WWOX: variants seen among roughly 807,000 people sequenced by gnomAD.
WWOX encodes WW domain-containing oxidoreductase.
WWOX carries 69 observed loss-of-function variants against 46.2 expected under a neutral mutation model. The ratio of observed to expected loss-of-function variants is 1.49; its 90% CI spans 1.23 to 1.82. WWOX has a LOEUF of 1.82. WWOX is among the 40% of genes most tolerant of loss of function. The pLI, the probability that WWOX is intolerant of heterozygous loss-of-function variation, is 0.00. For synonymous variants in WWOX, 359 were observed against 202.6 expected (o/e 1.77, Z -6.56); for missense variants, 919 against 542.6 (o/e 1.69, Z -6.89).
intron 8 of WWOX, among the ~76,000 whole-genome samples, chr16:78,584,387 C>T (rs2045141609): frequency 6.6e-6 from 1 of 152,184 alleles, no homozygotes; most frequent in Admixed American, 6.5e-5. Context: ...TGTGACTTTC[C>T]AGGCTTGGGA....
In WWOX at chr16:78,948,339, T is replaced by C. The variant is rs183991231; in HGVS notation, c.1057-263269T>C. Among the ~76,000 whole-genome samples the C allele has an allele frequency of 5.3e-5, 8 of 152,278 alleles. 1 individual carries two copies. The highest frequency in any genetic ancestry group is 1.9e-4 in the African/African-American group (8 of 41,560). On this transcript the variant is annotated intron_variant, in intron 8 of 8. Coordinates refer to ENST00000566780, the MANE Select transcript of WWOX (RefSeq NM_016373.4). ...ACTTCTTGTCTCCCTTTTAGAAGTTTCCAGAGCGTCTTCCTGATGTTGCAT... is the reference window on the plus strand; with the variant it reads ...ACTTCTTGTCTCCCTTTTAGAAGTTCCCAGAGCGTCTTCCTGATGTTGCAT...
chr16:78,679,538 G>A (rs1053047631), intron 8 of WWOX, among the ~76,000 whole-genome samples: 10 of 152,068 alleles, frequency 6.6e-5, no homozygotes, highest in Admixed American at 6.6e-4. Context: ...GTGACAGAGT[G>A]AGACTCCATC....
chr16:78,310,886 G>C (rs2080228841), intron 5 of WWOX, among the ~76,000 whole-genome samples: 1 of 152,202 alleles, frequency 6.6e-6, no homozygotes, highest in South Asian at 2.1e-4. Flanking sequence ...TTCGAGGGTA[G>C]GGGCACCCTT....
chr16:78,355,746 C>G, intron 5 of WWOX: 1 of 709,170 alleles, frequency 1.4e-6, no homozygotes. Context: ...TATGAAGAGA[C>G]ATATGAATCA....
Position 78,824,781 on chromosome 16 carries a change from A to G in WWOX, c.1057-386827A>G, listed in dbSNP as rs145598814. On this transcript the variant is annotated intron_variant, in intron 8 of 8. Transcript: ENST00000566780. ...TACCTCGCCCTGGGTCCCTCCCACA[A>G]CATGTGGGAATTCTGGGAGATACAA... Among the ~76,000 whole-genome samples, 70 of 152,262 alleles carry G rather than the reference A, an allele frequency of 4.6e-4. No individual in the cohort carries two copies. In the East Asian group the frequency reaches 0.012, roughly 26 times the overall value.
intron 8 of WWOX, among the ~76,000 whole-genome samples, chr16:78,741,934 C>G (rs184070359): frequency 4.9e-4 from 74 of 152,230 alleles, no homozygotes; most frequent in Non-Finnish European, 8.2e-4. Context: ...AATTTTTTAG[C>G]AAAAGGATGT....
At chr16:78,753,826 ATATATATAT>A (rs1321047875) in intron 8 of WWOX, among the ~76,000 whole-genome samples, 2 of 25,632 alleles carry the variant, frequency 7.8e-5, no homozygotes, top group African/African-American at 1.2e-4. Context: ...AAAAAAAAAA[ATATATATAT>A]ATATATATAT....
At position 78,794,800 on chromosome 16, in the gene WWOX, C is replaced by G. The variant is rs75068262; in HGVS notation, c.1056+362048C>G. On this transcript the variant is annotated intron_variant, in intron 8 of 8. Transcript: ENST00000566780. ...GGCTGTGAGCATAGGCAGATCCTTTCTAATGCAGAAGGTGCAGACACAGGG... is the reference window on the plus strand; with the variant it reads ...GGCTGTGAGCATAGGCAGATCCTTTGTAATGCAGAAGGTGCAGACACAGGG... Among the ~76,000 whole-genome samples the G allele has an allele frequency of 3.9e-5, 6 of 152,350 alleles. No homozygotes were observed. The East Asian group carries it at 1.2e-3, about 29-fold the overall frequency.
intron 5 of WWOX, among the ~76,000 whole-genome samples, chr16:78,267,536 C>T (rs774592806): frequency 1.3e-4 from 20 of 152,202 alleles, no homozygotes; most frequent in Non-Finnish European, 2.2e-4. Flanking sequence ...TCTGTCCTTC[C>T]CTCTTGCTGG....
chr16:79,200,629 C>T (rs550287384), intron 8 of WWOX, among the ~76,000 whole-genome samples: 4 of 152,266 alleles, frequency 2.6e-5, no homozygotes, highest in South Asian at 2.1e-4. Context: ...TCACCACCGT[C>T]GTCGTCTTTT....
chr16:79,047,013 C>G (rs555174348), intron 8 of WWOX, among the ~76,000 whole-genome samples: 2 of 152,286 alleles, frequency 1.3e-5, no homozygotes, highest in East Asian at 1.9e-4. Flanking sequence ...AGCAACTGAC[C>G]TTTTATCAGA....
At chr16:79,194,140 T>C (rs956612381) in intron 8 of WWOX, among the ~76,000 whole-genome samples, 4 of 152,162 alleles carry the variant, frequency 2.6e-5, no homozygotes, top group African/African-American at 9.7e-5. Flanking sequence ...ATGCATATTA[T>C]GTAAGTGTAG....
Position 79,212,100 on chromosome 16 carries a change from A to C in WWOX, c.*304A>C. The C allele has an allele frequency of 6.5e-7, 1 of 1,535,966 alleles. No homozygotes were observed. Among genetic ancestry groups the C allele is most frequent in the Non-Finnish European group, 8.7e-7 (1 of 1,146,818 alleles). ...CGTATCTCCCTGGAGAAGCACCAGCAATTCTCTTTCTTTTACTGTTATAGA... is the reference window on the plus strand; with the variant it reads ...CGTATCTCCCTGGAGAAGCACCAGCCATTCTCTTTCTTTTACTGTTATAGA... On this transcript the variant is annotated 3_prime_UTR_variant, in exon 9 of 9. Coordinates refer to ENST00000566780, the MANE Select transcript of WWOX (RefSeq NM_016373.4).
chr16:78,443,069 G>C (rs547530874), intron 8 of WWOX, among the ~76,000 whole-genome samples: 7 of 150,106 alleles, frequency 4.7e-5, no homozygotes, highest in African/African-American at 1.7e-4. Flanking sequence ...CCGGGAGGTG[G>C]AGGTTGCAGT....
At chr16:78,936,624 G>A (rs1424606447) in intron 8 of WWOX, among the ~76,000 whole-genome samples, 1 of 152,128 alleles carries the variant, frequency 6.6e-6, no homozygotes. Context: ...CAGGCTGGAT[G>A]GGTTTTGGAA....
At chr16:79,153,120 A>C (rs76730174) in intron 8 of WWOX, among the ~76,000 whole-genome samples, 2,477 of 152,294 alleles carry the variant, frequency 0.016, 34 homozygotes, top group East Asian at 0.027. Flanking sequence ...GCTCAGGGTC[A>C]TGGGCTTGCT....
At chr16:79,172,756 T>G (rs1003597792) in intron 8 of WWOX, among the ~76,000 whole-genome samples, 2 of 152,084 alleles carry the variant, frequency 1.3e-5, no homozygotes, top group African/African-American at 4.8e-5. Flanking sequence ...CCAGTTATGG[T>G]GGCTCACGCC....
intron 8 of WWOX, among the ~76,000 whole-genome samples, chr16:78,559,392 C>T (rs139635678): frequency 6.6e-6 from 1 of 152,298 alleles, no homozygotes; most frequent in East Asian, 1.9e-4. Context: ...TAGACTAAGA[C>T]ATGCCTGTAG....
intron 8 of WWOX, among the ~76,000 whole-genome samples, chr16:78,761,959 A>C (rs1449046392): frequency 6.6e-6 from 1 of 152,186 alleles, no homozygotes; most frequent in African/African-American, 2.4e-5. Context: ...AAGACCACCT[A>C]GGAAATGTTT....
Sources: gnomAD v4.1 joint callset for allele counts (sites outside exome capture counted in the v4.1 genomes callset) on GRCh38, gnomAD v4.1.1 for gene constraint, MANE v1.5 for transcripts, NCBI Gene and HGNC (gene_info 2026-07-23, HGNC 2026-07-21) for gene names.